UBE2D3: variants seen among roughly 807,000 people sequenced by gnomAD.
UBE2D3 encodes the protein ubiquitin conjugating enzyme E2 D3.
UBE2D3 carries 2 observed loss-of-function variants against 22.8 expected under a neutral mutation model. The ratio of observed to expected loss-of-function variants is 0.09; its 90% CI spans 0.04 to 0.28. The LOEUF (loss-of-function observed/expected upper bound fraction) is 0.28, where lower values mean the gene tolerates loss of function less well. Ranked by LOEUF, UBE2D3 falls within the 10% of genes least tolerant of loss-of-function variation. The pLI, the probability that UBE2D3 is intolerant of heterozygous loss-of-function variation, is 1.00. For missense variants in UBE2D3, 27 were observed against 182.5 expected (o/e 0.15, Z 4.91); for synonymous variants, 56 against 60.4 (o/e 0.93, Z 0.34).
chr4:102,868,622 T>C lies in UBE2D3; in HGVS notation c.-129+93A>G. On this transcript the variant is annotated intron_variant, in intron 1 of 7. Transcript: ENST00000338145. ...GGTCTGGGTAGGGGGAGGATACTCA[T>C]GGGCGAGTATGCAACCCTAGGGCCA... is the stretch of plus-strand genomic sequence containing the variant. 6 of 1,544,996 alleles carry C rather than the reference T, an allele frequency of 3.9e-6. 1 individual carries two copies. Among genetic ancestry groups the C allele is most frequent in the South Asian group, 3.3e-5 (3 of 89,598 alleles).
At chr4:102,808,961 A>C (rs1212376089) in intron 4 of UBE2D3, 1 of 157,390 alleles carries the variant, frequency 6.4e-6, no homozygotes, top group Non-Finnish European at 1.4e-5. Flanking sequence ...AAAAGGGAAG[A>C]CAGTTTTCAG....
intron 2 of UBE2D3, chr4:102,811,604 C>A: frequency 3.2e-6 from 1 of 309,012 alleles, no homozygotes; most frequent in South Asian, 2.5e-5. Flanking sequence ...TCACTTGAAC[C>A]TGGGAGGGAG....
chr4:102,866,498 T>C (rs981617845), intron 1 of UBE2D3, among the ~76,000 whole-genome samples: 2 of 152,226 alleles, frequency 1.3e-5, no homozygotes, highest in East Asian at 1.9e-4. Flanking sequence ...TGTATATTGA[T>C]GTGGGTGGTG....
chr4:102,835,037 C>CTTAGTG (rs1731316101), intron 1 of UBE2D3, among the ~76,000 whole-genome samples: 2 of 152,088 alleles, frequency 1.3e-5, no homozygotes, highest in African/African-American at 4.8e-5. Flanking sequence ...TGTGGGTATC[C>CTTAGTG]TTAGTGTTCA....
At chr4:102,845,944 T>G (rs1732019977) in intron 1 of UBE2D3, among the ~76,000 whole-genome samples, 1 of 152,032 alleles carries the variant, frequency 6.6e-6, no homozygotes, top group African/African-American at 2.4e-5. Context: ...GCATGCACCA[T>G]CACACCCAGC....
intron 7 of UBE2D3, among the ~76,000 whole-genome samples, chr4:102,798,584 C>A (rs223438): frequency 1.3e-5 from 2 of 150,568 alleles, no homozygotes; most frequent in African/African-American, 4.9e-5. Flanking sequence ...TACTATCTCC[C>A]GGCAAAATTT....
chr4:102,860,709 CAG>C (rs1732855453), intron 1 of UBE2D3, among the ~76,000 whole-genome samples: 1 of 151,916 alleles, frequency 6.6e-6, no homozygotes, highest in African/African-American at 2.4e-5. Context: ...TGCAGTGCCT[CAG>C]AGTGTTCAAG....
At chr4:102,817,528 A>C (rs956228550) in intron 2 of UBE2D3, among the ~76,000 whole-genome samples, 7 of 152,188 alleles carry the variant, frequency 4.6e-5, no homozygotes, top group Non-Finnish European at 8.8e-5. Flanking sequence ...ACAACTTAAA[A>C]ATTTGGACTA....
chr4:102,810,641 G>T (rs916014213), intron 2 of UBE2D3: 2 of 152,048 alleles, frequency 1.3e-5, no homozygotes, highest in East Asian at 3.9e-4. Context: ...CCTGAAGAGC[G>T]TACTTCTGTA....
chr4:102,825,705 G>A (rs1730344314), intron 2 of UBE2D3: 1 of 669,302 alleles, frequency 1.5e-6, no homozygotes, highest in Non-Finnish European at 2.4e-6. Context: ...TAAATAGAAT[G>A]AGGCAAAAAT....
intron 1 of UBE2D3, among the ~76,000 whole-genome samples, chr4:102,855,836 C>A (rs181678846): frequency 1.6e-3 from 247 of 152,080 alleles, no homozygotes; most frequent in Non-Finnish European, 2.0e-3. Context: ...GGGACAGAGA[C>A]AAAAAGATAC....
intron 1 of UBE2D3, among the ~76,000 whole-genome samples, chr4:102,852,129 C>G (rs1386204472): frequency 6.6e-6 from 1 of 152,172 alleles, no homozygotes; most frequent in African/African-American, 2.4e-5. Flanking sequence ...GAGGTATACT[C>G]TTTTACTATT....
At chr4:102,798,377 C>T (rs223439) in intron 7 of UBE2D3, among the ~76,000 whole-genome samples, 79,121 of 147,564 alleles carry the variant, frequency 0.54, 21,814 homozygotes, top group African/African-American at 0.67. Context: ...CAACAACTTT[C>T]CTAAACTTTT....
intron 1 of UBE2D3, among the ~76,000 whole-genome samples, chr4:102,849,773 T>C (rs184611301): frequency 1.3e-5 from 2 of 152,250 alleles, no homozygotes; most frequent in Admixed American, 6.5e-5. Flanking sequence ...AGATTGACAA[T>C]ACCACGTGTT....
chr4:102,828,522 A>ATGGGGC (rs1730912635), upstream of UBE2D3, among the ~76,000 whole-genome samples: 1 of 152,202 alleles, frequency 6.6e-6, no homozygotes, highest in Non-Finnish European at 1.5e-5. Flanking sequence ...AATTGAGTGG[A>ATGGGGC]TGGGGCTAGG....
intron 1 of UBE2D3, among the ~76,000 whole-genome samples, chr4:102,855,189 G>C (rs931967711): frequency 3.3e-5 from 5 of 152,188 alleles, no homozygotes; most frequent in Admixed American, 3.3e-4. Flanking sequence ...TACAGCTCTT[G>C]CTTTCTGCTC....
chr4:102,796,910 T>C lies in UBE2D3; in HGVS notation c.*505A>G, dbSNP rs943746723. 6.5e-6 allele frequency: 1 copy of C among 152,706 alleles called. No homozygotes were observed. The highest frequency in any genetic ancestry group is 1.5e-5 in the Non-Finnish European group (1 of 68,108). The allele number at this position is 152,706 out of a possible 1,614,324, so 9.5% of individuals were successfully genotyped here. A position where few individuals can be genotyped will look rare whatever the true frequency, so the allele number is the denominator to read the frequency against. On this transcript the variant is annotated 3_prime_UTR_variant, in exon 8 of 8. Coordinates refer to ENST00000453744, the MANE Select transcript of UBE2D3 (RefSeq NM_181891.3). ...GCTGATGCTATAAATTCAATACCAA[T>C]TCTCCAGCCACATCAGTTATGAGCA...
intron 1 of UBE2D3, chr4:102,827,144 T>TAC: frequency 1.0e-6 from 1 of 986,834 alleles, no homozygotes; most frequent in Non-Finnish European, 1.2e-6. Flanking sequence ...GACGCCACCG[T>TAC]ACACTCACTC....
chr4:102,796,789 A>G lies in UBE2D3; in HGVS notation c.*626T>C, dbSNP rs1183584271. 1 of 152,506 alleles carries G rather than the reference A, an allele frequency of 6.6e-6. No individual in the cohort carries two copies. The highest frequency in any genetic ancestry group is 1.5e-5 in the Non-Finnish European group (1 of 67,930). The allele number at this position is 152,506 out of a possible 1,614,324, so 9.4% of individuals were successfully genotyped here. On this transcript the variant is annotated 3_prime_UTR_variant, in exon 8 of 8. Transcript: ENST00000453744. ...AATGTTTGAGACCCTATTTTGGAAT[A>G]CAAAGGGTGTTTGACTTCCAATTTC...
Sources: gnomAD v4.1 joint callset for allele counts (sites outside exome capture counted in the v4.1 genomes callset) on GRCh38, gnomAD v4.1.1 for gene constraint, MANE v1.5 for transcripts, NCBI Gene and HGNC (gene_info 2026-07-23, HGNC 2026-07-21) for gene names.